Variants in ZC3H12C observed in about 807,000 individuals in gnomAD.
The protein encoded by ZC3H12C is probable ribonuclease ZC3H12C.
Under a neutral mutation model 76.3 loss-of-function variants are expected in ZC3H12C, and 20 were observed. The observed-to-expected ratio is 0.26, with a 90% CI of 0.18 to 0.38. ZC3H12C has a LOEUF of 0.38. ZC3H12C is among the 10% of genes least tolerant of loss of function. The probability of loss-of-function intolerance (pLI) is 1.00; values close to 1 mark genes in which losing one functional copy is unlikely to be tolerated. For missense variants in ZC3H12C, 874 were observed against 1,086.5 expected, an observed-to-expected ratio of 0.80 and a Z score of 2.75; for synonymous variants, 352 against 399.6, an observed-to-expected ratio of 0.88 and a Z score of 1.42.
chr11:110,154,178 C>G (rs1338127363), intron 3 of ZC3H12C, among the ~76,000 whole-genome samples: 1 of 152,044 alleles, frequency 6.6e-6, no homozygotes, highest in East Asian at 1.9e-4. Flanking sequence ...TCAAGACCAG[C>G]CTGGGCAACA....
chr11:110,157,851 T>C (rs777200792), intron 3 of ZC3H12C, among the ~76,000 whole-genome samples: 27 of 152,200 alleles, frequency 1.8e-4, no homozygotes, highest in Non-Finnish European at 2.6e-4. Flanking sequence ...GTTTGTCCAG[T>C]GCAGTCAGAC....
At chr11:110,103,996 C>CT (rs768000382) in intron 1 of ZC3H12C, among the ~76,000 whole-genome samples, 2,390 of 127,676 alleles carry the variant, frequency 0.019, 24 homozygotes, top group African/African-American at 0.035. Flanking sequence ...GGAAACAATT[C>CT]TTTTTTTTTT....
chr11:110,151,505 G>C (rs1388852345), intron 2 of ZC3H12C, among the ~76,000 whole-genome samples: 1 of 152,188 alleles, frequency 6.6e-6, no homozygotes, highest in African/African-American at 2.4e-5. Context: ...TAAAATTTTA[G>C]TGAGGTTTTA....
Position 110,171,155 on chromosome 11 carries a change from C to G in ZC3H12C, c.*5418C>G, listed in dbSNP as rs79775734. ...GCTTTCGCCACCTTTCTTAAAGCAGCGTATGTTCCAAGGGAAAAAGGCATT... is the reference window on the plus strand; with the variant it reads ...GCTTTCGCCACCTTTCTTAAAGCAGGGTATGTTCCAAGGGAAAAAGGCATT... On this transcript the variant is annotated 3_prime_UTR_variant, in exon 6 of 6. Transcript: ENST00000278590. 6.6e-6 allele frequency: 1 copy of G among 152,116 alleles called. No individual in the cohort carries two copies. Among genetic ancestry groups the G allele is most frequent in the Non-Finnish European group, 1.5e-5 (1 of 68,006 alleles). 9.4% of individuals were successfully genotyped at this position (152,116 alleles called of 1,614,324 possible).
intron 1 of ZC3H12C, among the ~76,000 whole-genome samples, chr11:110,117,580 C>T (rs2134158912): frequency 6.7e-6 from 1 of 149,410 alleles, no homozygotes; most frequent in East Asian, 1.9e-4. Flanking sequence ...CATATTTTAT[C>T]CTTTTTTCAA....
intron 1 of ZC3H12C, chr11:110,130,959 A>G (rs1861854064): frequency 2.1e-6 from 3 of 1,425,334 alleles, no homozygotes; most frequent in Non-Finnish European, 2.8e-6. Context: ...TCCACTCGGT[A>G]ATAGGTTAAG....
chr11:110,098,674 G>A (rs1384871945), intron 1 of ZC3H12C, among the ~76,000 whole-genome samples: 1 of 152,154 alleles, frequency 6.6e-6, no homozygotes, highest in African/African-American at 2.4e-5. Context: ...AAGACTTATT[G>A]TGTTACAGTT....
At chr11:110,131,325 C>T (rs1192934059) in intron 1 of ZC3H12C, 1 of 545,558 alleles carries the variant, frequency 1.8e-6, no homozygotes, top group Non-Finnish European at 3.2e-6. Context: ...TTACTTAGAG[C>T]TTCATGAACA....
Position 110,170,698 on chromosome 11 carries a change from G to A in ZC3H12C, c.*4961G>A, listed in dbSNP as rs1448444237. 2 of 152,302 alleles carry A rather than the reference G, an allele frequency of 1.3e-5. No individual in the cohort carries two copies. The highest frequency in any genetic ancestry group is 1.9e-4 in the East Asian group (1 of 5,186). 9.4% of individuals were successfully genotyped at this position (152,302 alleles called of 1,614,324 possible). A position where few individuals can be genotyped will look rare whatever the true frequency, so the allele number is the denominator to read the frequency against. On this transcript the variant is annotated 3_prime_UTR_variant, in exon 6 of 6. Transcript: ENST00000278590. Reference sequence around the variant, plus strand: ...GAATTCGTTGGAAGTACACGCTGCTGAGCATGTTTATTCACAGTGCTTTAT... The same window carrying A: ...GAATTCGTTGGAAGTACACGCTGCTAAGCATGTTTATTCACAGTGCTTTAT...
chr11:110,111,296 C>G (rs1349456886), intron 1 of ZC3H12C, among the ~76,000 whole-genome samples: 1 of 152,056 alleles, frequency 6.6e-6, no homozygotes, highest in Non-Finnish European at 1.5e-5. Context: ...CTAATGTGAG[C>G]AGGACAGTTA....
chr11:110,131,042 T>C (rs1200409687), intron 1 of ZC3H12C: 2 of 1,535,582 alleles, frequency 1.3e-6, no homozygotes, highest in Non-Finnish European at 1.7e-6. Flanking sequence ...GCAGCTAAAA[T>C]TGTGTTAAGG....
chr11:110,118,656 G>A (rs1406543074), intron 1 of ZC3H12C, among the ~76,000 whole-genome samples: 1 of 152,062 alleles, frequency 6.6e-6, no homozygotes, highest in Non-Finnish European at 1.5e-5. Context: ...AATTAGCTGG[G>A]CATGGTAGCA....
intron 1 of ZC3H12C, among the ~76,000 whole-genome samples, chr11:110,107,318 A>C (rs1861347563): frequency 1.3e-5 from 2 of 152,192 alleles, no homozygotes; most frequent in Admixed American, 1.3e-4. Context: ...TGTCATATCT[A>C]TAAAATATGA....
At chr11:110,120,360 A>G (rs1051333958) in intron 1 of ZC3H12C, among the ~76,000 whole-genome samples, 12 of 152,198 alleles carry the variant, frequency 7.9e-5, no homozygotes, top group African/African-American at 2.4e-4. Context: ...TCTAACAGTC[A>G]TATTTTCTCT....
intron 2 of ZC3H12C, among the ~76,000 whole-genome samples, chr11:110,144,530 G>C (rs1466020422): frequency 6.6e-6 from 1 of 152,124 alleles, no homozygotes; most frequent in Non-Finnish European, 1.5e-5. Flanking sequence ...TCTCTATTTG[G>C]AGTACTGAAA....
In ZC3H12C at chr11:110,164,107, A is replaced by C. The variant is rs1034582116; in HGVS notation, c.1256-234A>C. On this transcript the variant is annotated intron_variant, in intron 5 of 5. Transcript: ENST00000278590. This position sits in a 1 kb window ranked among gnomAD's most constrained non-coding sequence, Gnocchi z 5.7. Reference sequence around the variant, plus strand: ...GAGCAAGACCCTGTCTCAAAAAAAAAAAAAAAGTTCTGGAGGTGATTATTA... The same window carrying C: ...GAGCAAGACCCTGTCTCAAAAAAAACAAAAAAGTTCTGGAGGTGATTATTA... 2.0e-5 allele frequency among the ~76,000 whole-genome samples: 3 copies of C among 152,038 alleles called. No individual in the cohort carries two copies. The highest frequency in any genetic ancestry group is 4.4e-5 in the Non-Finnish European group (3 of 67,982).
At chr11:110,104,638 A>C (rs1861286063) in intron 1 of ZC3H12C, among the ~76,000 whole-genome samples, 1 of 152,242 alleles carries the variant, frequency 6.6e-6, no homozygotes, top group Non-Finnish European at 1.5e-5. Context: ...GAAATCAGGT[A>C]GACCTGGATT....
At chr11:110,159,064 T>A (rs946912402) in intron 3 of ZC3H12C, among the ~76,000 whole-genome samples, 192 bp from the exon 4 acceptor site, 2 of 152,252 alleles carry the variant, frequency 1.3e-5, no homozygotes, top group Non-Finnish European at 2.9e-5. Context: ...AAGTCTTTAT[T>A]ATTAAAATTC....
chr11:110,108,933 G>A (rs1861380505), intron 1 of ZC3H12C, among the ~76,000 whole-genome samples: 1 of 152,148 alleles, frequency 6.6e-6, no homozygotes, highest in African/African-American at 2.4e-5. Flanking sequence ...ACCAATACAT[G>A]CAACAAGTTG....
Sources: gnomAD v4.1 joint callset for allele counts (sites outside exome capture counted in the v4.1 genomes callset) on GRCh38, gnomAD v4.1.1 for gene constraint, Gnocchi (gnomAD v3.1) non-coding constraint, MANE v1.5 for transcripts, NCBI Gene and HGNC (gene_info 2026-07-23, HGNC 2026-07-21) for gene names.